The following MEGF10 variants were observed in gnomAD, a reference collection of about 807,000 sequenced individuals.
MEGF10 encodes the protein multiple EGF like domains 10, also known as multiple epidermal growth factor-like domains protein 10.
In MEGF10, 86 loss-of-function variants were observed where a neutral mutation model predicts 147.5. The ratio of observed to expected loss-of-function variants is 0.58; its 90% CI spans 0.49 to 0.70. The LOEUF is 0.70. MEGF10 is among the 30% of genes least tolerant of loss of function. The probability of loss-of-function intolerance (pLI) is 0.00; values close to 1 mark genes in which losing one functional copy is unlikely to be tolerated. For missense variants in MEGF10, 1,329 were observed against 1,487.3 expected, an observed-to-expected ratio of 0.89 and a Z score of 1.75; for synonymous variants, 478 against 525.5, an observed-to-expected ratio of 0.91 and a Z score of 1.24.
At chr5:127,435,218 A>C in intron 15 of MEGF10, 143 bp from the exon 16 acceptor site, 2 of 982,180 alleles carry the variant, frequency 2.0e-6, no homozygotes, top group South Asian at 3.7e-5. Flanking sequence ...GAGCCCATTC[A>C]AGATGAAGGA....
chr5:127,379,545 C>T (rs1260682461), intron 5 of MEGF10, among the ~76,000 whole-genome samples: 2 of 151,626 alleles, frequency 1.3e-5, no homozygotes, highest in Admixed American at 6.6e-5. Context: ...TTGATATTTC[C>T]TCTGCTCAGA....
In MEGF10 at chr5:127,442,052, A is replaced by G. The variant is rs539169700; in HGVS notation, c.2363-946A>G. On this transcript the variant is annotated intron_variant, in intron 18 of 24. Coordinates refer to ENST00000503335, the MANE Select transcript of MEGF10 (RefSeq NM_001256545.2). Reference sequence around the variant, plus strand: ...ACATAACTCTATTGTGCATATAAATATTGTGTGTTTGTGTATAAATGTCTA... The same window carrying G: ...ACATAACTCTATTGTGCATATAAATGTTGTGTGTTTGTGTATAAATGTCTA... Among the ~76,000 whole-genome samples the G allele has an allele frequency of 4.6e-5, 7 of 152,286 alleles. No homozygotes were observed. The South Asian group carries it at 1.2e-3, about 27-fold the overall frequency.
chr5:127,257,611 G>A, the MEGF10 span, among the ~76,000 whole-genome samples: 1 of 152,088 alleles, frequency 6.6e-6, no homozygotes, highest in Non-Finnish European at 1.5e-5. Flanking sequence ...TTTTGCCAAG[G>A]GAGAAAAGTC....
chr5:127,258,765 A>C, the MEGF10 span, among the ~76,000 whole-genome samples: 1 of 152,130 alleles, frequency 6.6e-6, no homozygotes, highest in African/African-American at 2.4e-5. Context: ...TCCTTCTGCC[A>C]TGTGATGCAT....
chr5:127,330,296 C>T (rs1733367367), intron 1 of MEGF10, among the ~76,000 whole-genome samples: 1 of 152,280 alleles, frequency 6.6e-6, no homozygotes, highest in East Asian at 1.9e-4. Context: ...TCTAATGCCA[C>T]TCTGCACCAT....
chr5:127,321,117 T>C (rs1168115767), intron 1 of MEGF10, among the ~76,000 whole-genome samples: 2 of 152,334 alleles, frequency 1.3e-5, no homozygotes, highest in East Asian at 3.9e-4. Context: ...GTGATTTGAC[T>C]GTAAGTTAAG....
At chr5:127,422,122 C>G (rs1423772834) in intron 12 of MEGF10, among the ~76,000 whole-genome samples, 1 of 151,844 alleles carries the variant, frequency 6.6e-6, no homozygotes, top group Non-Finnish European at 1.5e-5. Flanking sequence ...TTATATGTCC[C>G]AACCGTTGTG....
At chr5:127,242,636 A>G in the MEGF10 span, among the ~76,000 whole-genome samples, 1 of 152,340 alleles carries the variant, frequency 6.6e-6, no homozygotes, top group East Asian at 1.9e-4. Flanking sequence ...AAGTTATTAA[A>G]TTATCAACTT....
chr5:127,421,263 G>A lies in MEGF10; in HGVS notation c.1590+1056G>A, dbSNP rs78861819. ...ATCAGTGAAGGCTGAGGGTTTAGTG[G>A]TTCATATCATGACAAAACTAAATCC... is the stretch of plus-strand genomic sequence containing the variant. On this transcript the variant is annotated intron_variant, in intron 12 of 24. Coordinates refer to ENST00000503335, the MANE Select transcript of MEGF10 (RefSeq NM_001256545.2). Among the ~76,000 whole-genome samples, 352 of 152,284 alleles carry A rather than the reference G, an allele frequency of 2.3e-3. 3 individuals are homozygous for A. The highest frequency in any genetic ancestry group is 0.01 in the Middle Eastern group (3 of 294).
intron 4 of MEGF10, 81 bp downstream of exon 4, chr5:127,340,711 A>G: frequency 9.0e-7 from 1 of 1,106,258 alleles, no homozygotes; most frequent in Non-Finnish European, 1.4e-6. Flanking sequence ...GCTGAGACAG[A>G]GGTCTGGGGA....
At chr5:127,409,009 C>A (rs572627985) in intron 8 of MEGF10, among the ~76,000 whole-genome samples, 2 of 151,926 alleles carry the variant, frequency 1.3e-5, no homozygotes, top group Non-Finnish European at 2.9e-5. Flanking sequence ...CCCAGGAGTT[C>A]GAGGTTACAG....
intron 7 of MEGF10, among the ~76,000 whole-genome samples, chr5:127,401,929 A>G (rs1251764436): frequency 6.6e-6 from 1 of 152,208 alleles, no homozygotes; most frequent in Non-Finnish European, 1.5e-5. Flanking sequence ...TGCTTGTTGA[A>G]TCTGCTGAAA....
chr5:127,380,480 G>C (rs1763208332), intron 5 of MEGF10, among the ~76,000 whole-genome samples: 1 of 152,000 alleles, frequency 6.6e-6, no homozygotes, highest in African/African-American at 2.4e-5. Context: ...GACGCACCTT[G>C]GCTATGTGCA....
the MEGF10 span, among the ~76,000 whole-genome samples, chr5:127,264,226 A>G: frequency 6.6e-6 from 1 of 152,160 alleles, no homozygotes; most frequent in Non-Finnish European, 1.5e-5. Context: ...TCAAATTCAA[A>G]AAGGAAACTA....
intron 24 of MEGF10, among the ~76,000 whole-genome samples, chr5:127,456,603 C>T (rs948417448): frequency 1.4e-4 from 21 of 152,236 alleles, no homozygotes; most frequent in African/African-American, 5.1e-4. Flanking sequence ...ATTAAGACAG[C>T]TTTTTAAAAT....
At chr5:127,361,442 A>G (rs914716678) in intron 4 of MEGF10, among the ~76,000 whole-genome samples, 2 of 151,760 alleles carry the variant, frequency 1.3e-5, no homozygotes, top group African/African-American at 4.8e-5. Flanking sequence ...TTAGAAGTTG[A>G]TCCGTTTTGC....
chr5:127,279,831 C>A, the MEGF10 span, among the ~76,000 whole-genome samples: 1 of 152,162 alleles, frequency 6.6e-6, no homozygotes, highest in African/African-American at 2.4e-5. Context: ...ATGCACAATA[C>A]AATTGATCTG....
chr5:127,323,023 C>CAT (rs147328563), intron 1 of MEGF10, among the ~76,000 whole-genome samples: 2 of 151,276 alleles, frequency 1.3e-5, no homozygotes, highest in African/African-American at 2.4e-5. Flanking sequence ...CATATATATG[C>CAT]ATATATATAT....
the MEGF10 span, among the ~76,000 whole-genome samples, chr5:127,270,494 A>G: frequency 6.6e-6 from 1 of 152,242 alleles, no homozygotes; most frequent in Non-Finnish European, 1.5e-5. Context: ...GAAGACCATT[A>G]CATAGTGGTA....
Sources: allele counts gnomAD v4.1 joint callset (sites outside exome capture counted in the v4.1 genomes callset), GRCh38; gene constraint gnomAD v4.1.1; transcripts MANE v1.5; gene names NCBI Gene and HGNC (gene_info 2026-07-23, HGNC 2026-07-21).